TMEM260: variants seen among roughly 807,000 people sequenced by gnomAD.
The protein encoded by TMEM260 is transmembrane protein 260, also known as protein O-mannosyl-transferase TMEM260.
Under a neutral mutation model 88.9 loss-of-function variants are expected in TMEM260, and 82 were observed. The observed-to-expected ratio is 0.92, with a 90% CI of 0.77 to 1.11. The LOEUF is 1.11. Among genes scored for constraint, TMEM260 ranks in the 50% least tolerant of loss-of-function variants. The probability of loss-of-function intolerance (pLI) is 0.00; values close to 1 mark genes in which losing one functional copy is unlikely to be tolerated. For synonymous variants in TMEM260, 314 were observed against 309.3 expected (o/e 1.02, Z -0.16); for missense variants, 902 against 853.4 (o/e 1.06, Z -0.71).
chr14:56,656,402 A>G, the TMEM260 span, among the ~76,000 whole-genome samples: 1 of 145,986 alleles, frequency 6.8e-6, no homozygotes, highest in East Asian at 2.2e-4. Flanking sequence ...CTGGGGCAAT[A>G]TAGTGAGACC....
At chr14:56,660,753 C>T in the TMEM260 span, among the ~76,000 whole-genome samples, 1 of 152,300 alleles carries the variant, frequency 6.6e-6, no homozygotes, top group African/African-American at 2.4e-5. Flanking sequence ...TTGTGTCACA[C>T]TAAGAATTGC....
downstream of TMEM260, among the ~76,000 whole-genome samples, chr14:56,653,740 AC>A (rs1458193476): frequency 2.3e-4 from 29 of 128,158 alleles, 1 homozygote; most frequent in Middle Eastern, 3.8e-3. Flanking sequence ...TGTCTCCAAA[AC>A]AAAAAAAAAA....
intron 11 of TMEM260, among the ~76,000 whole-genome samples, chr14:56,624,979 CAT>C (rs1403361791): frequency 1.3e-5 from 2 of 152,160 alleles, no homozygotes; most frequent in Non-Finnish European, 2.9e-5. Flanking sequence ...AGATCTCTCA[CAT>C]GTGCAGTTCA....
At chr14:56,597,326 A>C (rs375181532) in intron 3 of TMEM260, among the ~76,000 whole-genome samples, 1 of 152,208 alleles carries the variant, frequency 6.6e-6, no homozygotes, top group South Asian at 2.1e-4. Flanking sequence ...GTGTTCTTCA[A>C]ATATTCCAAA....
rs569674938 is a variant in TMEM260, at chr14:56,621,792, T to C, written c.1398+90T>C. ...CATCTTTTTTAAAATGGTGGACGGG[T>C]ACAGTTTTCATGATCACTGTTAGGT... On this transcript the variant is annotated intron_variant, in intron 11 of 15. Transcript: ENST00000261556. 1.5e-5 allele frequency: 17 copies of C among 1,128,428 alleles called. No homozygotes were observed. In the African/African-American group the frequency reaches 2.5e-4, roughly 17 times the overall value. The allele number at this position is 1,128,428 out of a possible 1,614,324, so 69.9% of individuals were successfully genotyped here.
At position 56,631,958 on chromosome 14, in the gene TMEM260, G is replaced by A. The variant is rs544273034; in HGVS notation, c.1548-1037G>A. Among the ~76,000 whole-genome samples the A allele has an allele frequency of 4.9e-4, 75 of 152,286 alleles. 1 individual carries two copies. The highest frequency in any genetic ancestry group is 1.7e-3 in the African/African-American group (71 of 41,562). ...TGAAATTCCTGGTGTGGTTGGGGCA[G>A]GACGGCAGAGAGCCCTCTCCTGCCC... On this transcript the variant is annotated intron_variant, in intron 12 of 15. Coordinates refer to ENST00000261556, the MANE Select transcript of TMEM260 (RefSeq NM_017799.4).
Position 56,618,766 on chromosome 14 carries a change from A to AT in TMEM260, c.1226+3_1226+4insT, listed in dbSNP as rs1371262070. 6.2e-7 allele frequency: 1 copy of AT among 1,612,632 alleles called. No individual in the cohort carries two copies. Among genetic ancestry groups the AT allele is most frequent in the African/African-American group, 1.3e-5 (1 of 74,952 alleles). ...TACCAAATATATTCTAATTACAGGT[A>AT]ATACATGGTTATTTTTATGAAAAGT... is the stretch of plus-strand genomic sequence containing the variant. On this transcript the variant is annotated splice_donor_region_variant and intron_variant, in intron 10 of 15. Transcript: ENST00000261556.
intron 3 of TMEM260, among the ~76,000 whole-genome samples, chr14:56,592,813 A>C (rs1305526557): frequency 6.6e-6 from 1 of 152,180 alleles, no homozygotes; most frequent in East Asian, 1.9e-4. Context: ...ATTCCACTTC[A>C]AGTAGGAATT....
intron 12 of TMEM260, among the ~76,000 whole-genome samples, chr14:56,628,488 A>G (rs1888374567): frequency 6.6e-6 from 1 of 152,254 alleles, no homozygotes; most frequent in South Asian, 2.1e-4. Context: ...CCAGATCACA[A>G]AGATTTTCTC....
At chr14:56,656,427 T>A in the TMEM260 span, among the ~76,000 whole-genome samples, 2 of 152,068 alleles carry the variant, frequency 1.3e-5, no homozygotes, top group South Asian at 4.1e-4. Flanking sequence ...CTCAAATAAA[T>A]AAATAAATAA....
chr14:56,601,919 C>T (rs1011198033), intron 3 of TMEM260, among the ~76,000 whole-genome samples: 3 of 152,084 alleles, frequency 2.0e-5, no homozygotes, highest in Non-Finnish European at 2.9e-5. Context: ...GCTAGAGCTA[C>T]CCTGGCTCTA....
At chr14:56,646,412 C>T (rs1889970183) in intron 15 of TMEM260, among the ~76,000 whole-genome samples, 1 of 152,206 alleles carries the variant, frequency 6.6e-6, no homozygotes, top group Admixed American at 6.5e-5. Flanking sequence ...ACAGCTCTAA[C>T]TTGACAATCT....
rs141128740 is a variant in TMEM260 at position 56,605,600 on chromosome 14, C to G, written c.553C>G (p.Leu185Val). The change falls in exon 5 of 16, where the codon CTT becomes GTT. Residue 185 changes from leucine (L) to valine (V), a missense_variant. Physicochemically the swap from Leu to Val is conservative, Grantham distance 32. Transcript: ENST00000261556. The stretch of plus-strand genomic sequence containing the variant: ...TAAAATTGGTGCTTTCTGCTGTGGC[C>G]TTAGTTTATGTAACCAGCACACAAT... Reference protein sequence around the residue: ...VAKIGAFCCGLSLCNQHTIIL... With the variant: ...VAKIGAFCCGVSLCNQHTIIL... 1 of 1,564,170 alleles carries G rather than the reference C, an allele frequency of 6.4e-7. No individual in the cohort carries two copies. The highest frequency in any genetic ancestry group is 1.4e-5 in the African/African-American group (1 of 72,160).
chr14:56,596,406 G>GTGTGTGTGTGTGTATATA (rs1290307932), intron 3 of TMEM260, among the ~76,000 whole-genome samples: 1 of 111,320 alleles, frequency 9.0e-6, no homozygotes, highest in East Asian at 2.3e-4. Flanking sequence ...GTGTGTGTGT[G>GTGTGTGTGTGTGTATATA]TATATATATA....
intron 12 of TMEM260, among the ~76,000 whole-genome samples, chr14:56,630,570 C>G (rs1372358390): frequency 6.6e-6 from 1 of 151,878 alleles, no homozygotes; most frequent in Non-Finnish European, 1.5e-5. Flanking sequence ...TTTTGTTGAG[C>G]TTCTCCATCT....
At chr14:56,623,684 G>A (rs1888068660) in intron 11 of TMEM260, among the ~76,000 whole-genome samples, 1 of 152,188 alleles carries the variant, frequency 6.6e-6, no homozygotes, top group Non-Finnish European at 1.5e-5. Flanking sequence ...GAACAGTAAA[G>A]TCCATAGCAC....
chr14:56,641,120 A>ACCTAGCAAG (rs1343656568), intron 15 of TMEM260, among the ~76,000 whole-genome samples: 1 of 150,828 alleles, frequency 6.6e-6, no homozygotes, highest in Non-Finnish European at 1.5e-5. Context: ...AACTTTCCCA[A>ACCTAGCAAG]CCTAGCAAGT....
At chr14:56,591,695 G>A (rs756853495) in intron 3 of TMEM260, among the ~76,000 whole-genome samples, 10 of 152,176 alleles carry the variant, frequency 6.6e-5, no homozygotes, top group Non-Finnish European at 1.3e-4. Flanking sequence ...ACTAAAATAT[G>A]TAATTGGGGA....
downstream of TMEM260, among the ~76,000 whole-genome samples, chr14:56,652,357 G>C (rs369889073): frequency 3.3e-5 from 5 of 152,038 alleles, no homozygotes; most frequent in African/African-American, 1.2e-4. Context: ...AATTAGCAGG[G>C]CAAGGTGGCA....
Sources: gnomAD v4.1 joint callset for allele counts (sites outside exome capture counted in the v4.1 genomes callset) on GRCh38, gnomAD v4.1.1 for gene constraint, MANE v1.5 for transcripts, NCBI Gene and HGNC (gene_info 2026-07-23, HGNC 2026-07-21) for gene names.